Variants in WDR36 observed in about 807,000 individuals in gnomAD.
WDR36 encodes the protein WD repeat-containing protein 36.
Under a neutral mutation model 112.7 loss-of-function variants are expected in WDR36, and 63 were observed. The observed-to-expected ratio is 0.56, with a 90% CI of 0.46 to 0.69. WDR36 has a LOEUF of 0.69. Ranked by LOEUF, WDR36 falls within the 30% of genes least tolerant of loss-of-function variation. WDR36 has a pLI of 0.00. For missense variants in WDR36, 1,226 were observed against 1,070.3 expected (o/e 1.15, Z -2.03); for synonymous variants, 410 against 362.2 (o/e 1.13, Z -1.50).
chr5:111,105,401 A>C lies in WDR36; in HGVS notation c.1093+41A>C, dbSNP rs1376424025. On this transcript the variant is annotated intron_variant, in intron 10 of 22. Coordinates refer to ENST00000513710, the MANE Select transcript of WDR36 (RefSeq NM_139281.3). The stretch of plus-strand genomic sequence containing the variant: ...GACAAAATAAGCTGGTCACGAAAGA[A>C]ACATTTCAACATTCTATGAAACAAC... The C allele has an allele frequency of 2.6e-6, 4 of 1,543,170 alleles. No homozygotes were observed. The East Asian group carries it at 9.0e-5, about 35-fold the overall frequency.
At chr5:111,099,045 T>G (rs973007555) in intron 4 of WDR36, among the ~76,000 whole-genome samples, 5 of 152,220 alleles carry the variant, frequency 3.3e-5, no homozygotes, top group Admixed American at 3.3e-4. Flanking sequence ...ATAAACTGTT[T>G]AATGTGCTTA....
At chr5:111,096,781 A>G (rs1387668498) in intron 2 of WDR36, among the ~76,000 whole-genome samples, 2 of 152,068 alleles carry the variant, frequency 1.3e-5, no homozygotes, top group African/African-American at 2.4e-5. Flanking sequence ...TTCAAATGAC[A>G]GTTTTTTCCA....
rs146048348 is a variant in WDR36 at position 111,097,087 on chromosome 5, G to A, written c.199G>A (p.Val67Ile). The change falls in exon 3 of 23, where the codon GTT becomes ATT. Residue 67 changes from valine (V) to isoleucine (I), a missense_variant. Physicochemically the swap from Val to Ile is conservative, Grantham distance 29 (BLOSUM62 3). Coordinates refer to ENST00000513710, the MANE Select transcript of WDR36 (RefSeq NM_139281.3). ...KLSLVAVSNS[V>I]PQDICCMAAD... ...TTTGTATTTTCTGCTAGGTAATTCT[G>A]TTCCACAGGATATCTGCTGTATGGC... The A allele has an allele frequency of 1.4e-5, 22 of 1,612,766 alleles. No homozygotes were observed. Among genetic ancestry groups the A allele is most frequent in the Non-Finnish European group, 1.9e-5 (22 of 1,179,054 alleles).
chr5:111,093,999 A>T (rs1752924221), intron 1 of WDR36, among the ~76,000 whole-genome samples: 1 of 151,756 alleles, frequency 6.6e-6, no homozygotes, highest in Non-Finnish European at 1.5e-5. Flanking sequence ...TTGGGCTGTG[A>T]CCTCTAAAAC....
chr5:111,119,705 A>C (rs1319887681), intron 17 of WDR36, among the ~76,000 whole-genome samples: 1 of 152,112 alleles, frequency 6.6e-6, no homozygotes, highest in Non-Finnish European at 1.5e-5. Flanking sequence ...AAAAGAAAAA[A>C]TTGATTTTTT....
chr5:111,098,446 C>T (rs1371220990), intron 3 of WDR36, among the ~76,000 whole-genome samples: 6 of 152,162 alleles, frequency 3.9e-5, no homozygotes, highest in African/African-American at 1.4e-4. Flanking sequence ...TGCATGCCTC[C>T]TCTCTAACCC....
chr5:111,111,329 G>C, intron 15 of WDR36, 51 bp downstream of exon 15: 1 of 1,447,986 alleles, frequency 6.9e-7, no homozygotes, highest in Non-Finnish European at 9.7e-7. Flanking sequence ...CTTTTGTTTG[G>C]GTGTGTTATC....
chr5:111,104,839 T>G (rs1753193185), intron 9 of WDR36, 22 bp downstream of exon 9: 1 of 1,609,894 alleles, frequency 6.2e-7, no homozygotes, highest in African/African-American at 1.3e-5. Context: ...CTTCATACTA[T>G]TAGTTTATTT....
chr5:111,099,476 T>G (rs201148106), intron 4 of WDR36, among the ~76,000 whole-genome samples: 46,208 of 130,518 alleles, frequency 0.35, 7,260 homozygotes, highest in Admixed American at 0.45. Context: ...TTTTTTTTTT[T>G]TTTTTTTTCA....
chr5:111,095,601 G>A (rs1207411818), intron 2 of WDR36, among the ~76,000 whole-genome samples: 1 of 152,124 alleles, frequency 6.6e-6, no homozygotes, highest in African/African-American at 2.4e-5. Flanking sequence ...CTTTTTGAGA[G>A]CCAACATGAC....
At chr5:111,103,438 T>TA in intron 6 of WDR36, among the ~76,000 whole-genome samples, 1 of 151,820 alleles carries the variant, frequency 6.6e-6, no homozygotes. Context: ...TTGTCTCCTT[T>TA]TTCTGTTTCC....
rs541835797 is a variant in WDR36 at position 111,100,742 on chromosome 5, A to G, written c.542+21A>G. On this transcript the variant is annotated intron_variant, in intron 5 of 22. Transcript: ENST00000513710. ...TCCAAGTAAGTATTTTAGTTAGAAAATAATATAGCTGTCACCTTATCCTCA... is the reference window on the plus strand; with the variant it reads ...TCCAAGTAAGTATTTTAGTTAGAAAGTAATATAGCTGTCACCTTATCCTCA... The G allele has an allele frequency of 2.1e-5, 33 of 1,604,904 alleles. No individual in the cohort carries two copies. The South Asian group carries it at 3.2e-4, about 16-fold the overall frequency.
rs1482873042 is a variant in WDR36 at position 111,110,261 on chromosome 5, A to G, written c.1399A>G (p.Met467Val). The change falls in exon 13 of 23, where the codon ATG becomes GTG. Residue 467 changes from methionine (M) to valine (V), a missense_variant. Coordinates refer to ENST00000513710, the MANE Select transcript of WDR36 (RefSeq NM_139281.3). ...ATCAGGAACTGTAGATGTATATAAC[A>G]TGCAGTCTGGCATACATCGAGGAAG... ...LSSGTVDVYN[M>V]QSGIHRGSFG... 3.1e-6 allele frequency: 5 copies of G among 1,610,994 alleles called. No individual in the cohort carries two copies. Among genetic ancestry groups the G allele is most frequent in the Non-Finnish European group, 4.2e-6 (5 of 1,177,766 alleles).
At chr5:111,108,707 A>C (rs1056208478) in intron 12 of WDR36, among the ~76,000 whole-genome samples, 2 of 151,366 alleles carry the variant, frequency 1.3e-5, no homozygotes, top group Non-Finnish European at 3.0e-5. Flanking sequence ...AGCATGGTAC[A>C]TTGGTTAGCT....
chr5:111,111,333 T>C, intron 15 of WDR36, 55 bp downstream of exon 15: 1 of 1,387,838 alleles, frequency 7.2e-7, no homozygotes, highest in Non-Finnish European at 1.0e-6. Context: ...TGTTTGGGTG[T>C]GTTATCCTTT....
At chr5:111,094,189 G>A (rs1752929198) in intron 1 of WDR36, among the ~76,000 whole-genome samples, 2 of 152,226 alleles carry the variant, frequency 1.3e-5, no homozygotes, top group South Asian at 4.1e-4. Flanking sequence ...TGAATAGGTG[G>A]TGGTAGTGAT....
intron 12 of WDR36, among the ~76,000 whole-genome samples, chr5:111,109,515 T>G (rs924511025): frequency 3.3e-5 from 5 of 151,464 alleles, no homozygotes; most frequent in South Asian, 2.1e-4. Context: ...GTAAATTGAA[T>G]TATCTCTTGG....
chr5:111,103,649 C>T (rs914336878), intron 6 of WDR36, 137 bp from the exon 7 acceptor site: 1 of 1,098,764 alleles, frequency 9.1e-7, no homozygotes, highest in Non-Finnish European at 1.3e-6. Context: ...AATGGTAATA[C>T]TTGCTGAGTT....
At chr5:111,100,441 A>G (rs1753100532) in intron 4 of WDR36, 148 bp from the exon 5 acceptor site, 1 of 461,562 alleles carries the variant, frequency 2.2e-6, no homozygotes, top group East Asian at 3.7e-5. Flanking sequence ...TTTCTCAAGG[A>G]ATGTTTATAG....
Sources: gnomAD v4.1 joint callset for allele counts (sites outside exome capture counted in the v4.1 genomes callset) on GRCh38, gnomAD v4.1.1 for gene constraint, MANE v1.5 for transcripts, NCBI Gene and HGNC (gene_info 2026-07-23, HGNC 2026-07-21) for gene names.